Variants in DNAH5 observed in about 807,000 individuals in gnomAD.
DNAH5 encodes dynein axonemal heavy chain 5.
Under a neutral mutation model 518.2 loss-of-function variants are expected in DNAH5, and 372 were observed. That is an observed-to-expected ratio of 0.72 (90% confidence interval 0.66 to 0.78). DNAH5 has a LOEUF of 0.78. DNAH5 is among the 30% of genes least tolerant of loss of function. DNAH5 has a pLI of 0.00. For synonymous variants in DNAH5, 2,039 were observed against 2,025.9 expected (o/e 1.01, Z -0.17); for missense variants, 5,523 against 5,687.0 (o/e 0.97, Z 0.93).
At chr5:13,859,176 C>T (rs1463737158) in intron 30 of DNAH5, among the ~76,000 whole-genome samples, 2 of 152,164 alleles carry the variant, frequency 1.3e-5, no homozygotes, top group African/African-American at 4.8e-5. Flanking sequence ...TCTAAAGAAG[C>T]ATATCAATTA....
chr5:13,799,275 T>G (rs1758364725), intron 47 of DNAH5, among the ~76,000 whole-genome samples: 1 of 149,622 alleles, frequency 6.7e-6, no homozygotes, highest in African/African-American at 2.5e-5. Context: ...TGAATTGAAA[T>G]GCACCTCCTT....
chr5:13,896,056 C>T (rs1773883684), intron 15 of DNAH5, among the ~76,000 whole-genome samples: 1 of 151,780 alleles, frequency 6.6e-6, no homozygotes, highest in Non-Finnish European at 1.5e-5. Context: ...TAGGTAGGAG[C>T]CAATGATGGC....
chr5:13,837,068 G>A (rs757697079), intron 35 of DNAH5, among the ~76,000 whole-genome samples: 1 of 152,138 alleles, frequency 6.6e-6, no homozygotes, highest in Admixed American at 6.5e-5. Context: ...TTGGAAGAGC[G>A]GGAAACAGAA....
chr5:13,756,210 T>C (rs1173155796), intron 61 of DNAH5, among the ~76,000 whole-genome samples: 1 of 152,198 alleles, frequency 6.6e-6, no homozygotes, highest in Non-Finnish European at 1.5e-5. Flanking sequence ...CATGGTGAAC[T>C]GCAGATTGGA....
chr5:13,914,175 A>T (rs1776369452), intron 10 of DNAH5, among the ~76,000 whole-genome samples: 1 of 152,048 alleles, frequency 6.6e-6, no homozygotes, highest in Admixed American at 6.6e-5. Flanking sequence ...GATGCAACTC[A>T]AAGGTGTGGC....
At chr5:13,767,436 A>G (rs1351289230) in intron 58 of DNAH5, among the ~76,000 whole-genome samples, 1 of 152,166 alleles carries the variant, frequency 6.6e-6, no homozygotes, top group Admixed American at 6.6e-5. Flanking sequence ...GTTTTAATAT[A>G]TTAATACTAG....
In DNAH5 at chr5:13,758,884, C is replaced by T. The variant is rs770152494; in HGVS notation, c.10381G>A (p.Val3461Met). Residue 3461 changes from valine to methionine, a missense_variant, in exon 61 of 79, where the codon GTG becomes ATG. Physicochemically the swap from Val to Met is conservative, Grantham distance 21 (BLOSUM62 1). Transcript: ENST00000265104. ...ATGGCCTGTTCATACTCAGCCTGCACCACGTCAAGTTCCGCCTGCTTGTCA... is the reference window on the plus strand; with the variant it reads ...ATGGCCTGTTCATACTCAGCCTGCATCACGTCAAGTTCCGCCTGCTTGTCA... ...LDDKQAELDV[V>M]QAEYEQAMTE... The T allele has an allele frequency of 6.2e-7, 1 of 1,614,202 alleles. No homozygotes were observed. Among genetic ancestry groups the T allele is most frequent in the Non-Finnish European group, 8.5e-7 (1 of 1,180,028 alleles).
rs148209656 is a variant in DNAH5 at position 13,887,610 on chromosome 5, C to G, written c.2578-1481G>C. 6.6e-4 allele frequency among the ~76,000 whole-genome samples: 101 copies of G among 152,274 alleles called. 1 individual carries two copies. The South Asian group carries it at 0.018, about 27-fold the overall frequency. On this transcript the variant is annotated intron_variant, in intron 17 of 78. Transcript: ENST00000265104. ...CATGGGGCTCCACCATTTCCTCATT[C>G]CCATGATGCTTTAGCTTTGGCAAAC... is the stretch of plus-strand genomic sequence containing the variant.
chr5:13,890,899 T>C, intron 17 of DNAH5, 77 bp downstream of exon 17: 2 of 1,548,956 alleles, frequency 1.3e-6, no homozygotes, highest in Middle Eastern at 1.8e-4. Flanking sequence ...ATCTAACTTA[T>C]AACTTCAAAA....
chr5:13,959,254 G>C (rs1378402446), intron 1 of DNAH5, among the ~76,000 whole-genome samples: 1 of 152,166 alleles, frequency 6.6e-6, no homozygotes. Context: ...GTTCTCAATG[G>C]CTTTTAATTT....
In DNAH5 at chr5:13,707,628, G is replaced by A. The variant is rs771336590; in HGVS notation, c.13338+495C>T. On this transcript the variant is annotated intron_variant, in intron 76 of 78. Coordinates refer to ENST00000265104, the MANE Select transcript of DNAH5 (RefSeq NM_001369.3). This position sits in a 1 kb window ranked among gnomAD's most constrained non-coding sequence, Gnocchi z 4.0. ...AAACCCAGCCACACCCCTGTCACACGCCCTGTGAGGGGGATAAGGGAACTC... is the reference window on the plus strand; with the variant it reads ...AAACCCAGCCACACCCCTGTCACACACCCTGTGAGGGGGATAAGGGAACTC... 1.3e-4 allele frequency among the ~76,000 whole-genome samples: 20 copies of A among 152,124 alleles called. No individual in the cohort carries two copies. The highest frequency in any genetic ancestry group is 1.9e-4 in the East Asian group (1 of 5,184).
chr5:13,714,109 T>C (rs1743974049), intron 75 of DNAH5, among the ~76,000 whole-genome samples: 1 of 152,162 alleles, frequency 6.6e-6, no homozygotes, highest in Non-Finnish European at 1.5e-5. Flanking sequence ...AATGGCAATG[T>C]AAAGTACCTC....
Position 13,814,775 on chromosome 5 carries a change from C to T in DNAH5, c.7060G>A (p.Asp2354Asn). The stretch of plus-strand genomic sequence containing the variant: ...GCAAGGGTTAGAGTTTTGTTATCAT[C>T]CAAAACAGAATTCAGATTTTCAATC... ...IWIENLNSVL[D>N]DNKTLTLANG... is the part of the protein sequence containing the mutation. The change falls in exon 43 of 79, where the codon GAT becomes AAT. Residue 2354 changes from aspartate to asparagine, a missense_variant. Physicochemically the swap from Asp to Asn is conservative, Grantham distance 23. Transcript: ENST00000265104. 6.2e-7 allele frequency: 1 copy of T among 1,613,854 alleles called. No individual in the cohort carries two copies. Among genetic ancestry groups the T allele is most frequent in the South Asian group, 1.1e-5 (1 of 91,064 alleles).
At chr5:13,887,792 G>A (rs529476136) in intron 17 of DNAH5, among the ~76,000 whole-genome samples, 7 of 151,904 alleles carry the variant, frequency 4.6e-5, no homozygotes, top group Non-Finnish European at 1.0e-4. Context: ...CCCAGGAGAC[G>A]CCCAACCCAA....
intron 1 of DNAH5, among the ~76,000 whole-genome samples, chr5:13,969,892 G>T (rs1289028184): frequency 6.6e-6 from 1 of 152,034 alleles, no homozygotes; most frequent in Non-Finnish European, 1.5e-5. Flanking sequence ...CCTGTAACTG[G>T]AGTATTAAAG....
At chr5:13,942,001 G>C (rs1439675722) in intron 1 of DNAH5, among the ~76,000 whole-genome samples, 1 of 152,156 alleles carries the variant, frequency 6.6e-6, no homozygotes, top group Non-Finnish European at 1.5e-5. Context: ...CAGAATTCAA[G>C]TCTGGAATTC....
intron 61 of DNAH5, among the ~76,000 whole-genome samples, chr5:13,758,300 C>T (rs1052431348): frequency 2.6e-5 from 4 of 152,106 alleles, no homozygotes; most frequent in South Asian, 4.2e-4. Flanking sequence ...CTCAGGAGTT[C>T]GAGACCAGCC....
At position 13,883,026 on chromosome 5, in the gene DNAH5, T is replaced by G; in HGVS notation, c.3052A>C (p.Ile1018Leu). Residue 1018 changes from isoleucine (I) to leucine (L), a missense_variant, in exon 20 of 79, where the codon ATT (isoleucine) becomes CTT (leucine). Physicochemically the swap from Ile to Leu is conservative, Grantham distance 5 (BLOSUM62 2). This residue lies in a region of DNAH5 where 5,121 missense variants were observed against 5,223.3 expected (regional missense o/e 0.98). Coordinates refer to ENST00000265104, the MANE Select transcript of DNAH5 (RefSeq NM_001369.3). ...PIFRASVTLA[I>L]PNIVMAPALE... The stretch of plus-strand genomic sequence containing the variant: ...GCAGGGGCCATGACGATGTTGGGAA[T>G]GGCCAGAGTGACGCTTGCCCGGAAA... The G allele has an allele frequency of 6.2e-7, 1 of 1,614,192 alleles. No homozygotes were observed. Among genetic ancestry groups the G allele is most frequent in the East Asian group, 2.2e-5 (1 of 44,888 alleles).
At chr5:13,946,119 T>C (rs941899390), upstream of DNAH5, among the ~76,000 whole-genome samples, 2 of 152,188 alleles carry the variant, frequency 1.3e-5, no homozygotes, top group African/African-American at 4.8e-5. Context: ...AGGACAAACA[T>C]GTTACAATTC....
Sources: allele counts gnomAD v4.1 joint callset (sites outside exome capture counted in the v4.1 genomes callset), GRCh38; gene constraint gnomAD v4.1.1; regional missense constraint gnomAD v4.1.1; non-coding constraint Gnocchi (gnomAD v3.1); transcripts MANE v1.5; gene names NCBI Gene and HGNC (gene_info 2026-07-23, HGNC 2026-07-21).